ZFHX3: variants seen among roughly 807,000 people sequenced by gnomAD.
The protein encoded by ZFHX3 is zinc finger homeobox 3.
In ZFHX3, 42 loss-of-function variants were observed where a neutral mutation model predicts 279.1. The ratio of observed to expected loss-of-function variants is 0.15; its 90% CI spans 0.12 to 0.19. The LOEUF is 0.19. Ranked by LOEUF, ZFHX3 falls within the 10% of genes least tolerant of loss-of-function variation. ZFHX3 has a pLI of 1.00. For synonymous variants in ZFHX3, 2,293 were observed against 1,957.8 expected (o/e 1.17, Z -4.52); for missense variants, 4,981 against 4,754.0 (o/e 1.05, Z -1.40).
At chr16:73,108,301 T>C (rs564012044) in intron 7 of ZFHX3, among the ~76,000 whole-genome samples, 1 of 150,814 alleles carries the variant, frequency 6.6e-6, no homozygotes, top group East Asian at 2.0e-4. Flanking sequence ...GCCACTGCAC[T>C]TCAGCTTGGG....
At chr16:73,265,208 T>G (rs2013942632) in intron 4 of ZFHX3, among the ~76,000 whole-genome samples, 1 of 152,076 alleles carries the variant, frequency 6.6e-6, no homozygotes, top group South Asian at 2.1e-4. Flanking sequence ...CATGTGCAAG[T>G]ATCTTTTTCG....
At chr16:73,033,345 G>A (rs1188138941) in intron 1 of ZFHX3, among the ~76,000 whole-genome samples, 3 of 151,232 alleles carry the variant, frequency 2.0e-5, no homozygotes, top group Non-Finnish European at 2.9e-5. Context: ...CGCCTCCGAG[G>A]GTTCGTCCTC....
rs2019644021 is a variant in ZFHX3 at position 73,523,624 on chromosome 16, T to TGG, written c.-1546-67367_-1546-67366insCC. ...GGGGGCAGGGAATGGAAGCTGGGTT[T>TGG]TTTTTTTTTTTTTCATATGTATATT... On this transcript the variant is annotated intron_variant, in intron 2 of 17. Coordinates refer to the ZFHX3 transcript ENST00000641206. Among the ~76,000 whole-genome samples the TGG allele has an allele frequency of 5.6e-5, 4 of 71,164 alleles. 1 individual carries two copies. Among genetic ancestry groups the TGG allele is most frequent in the South Asian group, 2.0e-3 (2 of 996 alleles). 46.7% of individuals were successfully genotyped at this position (71,164 alleles called of 152,430 possible). A position where few individuals can be genotyped will look rare whatever the true frequency, so the allele number is the denominator to read the frequency against.
intron 1 of ZFHX3, among the ~76,000 whole-genome samples, chr16:73,795,267 T>A (rs1959957972): frequency 6.6e-6 from 1 of 152,192 alleles, no homozygotes; most frequent in Non-Finnish European, 1.5e-5. Flanking sequence ...ATGACTTTGC[T>A]TTGTCTGGAA....
chr16:73,422,895 A>C (rs1465037507), intron 3 of ZFHX3, among the ~76,000 whole-genome samples: 1 of 152,178 alleles, frequency 6.6e-6, no homozygotes, highest in Non-Finnish European at 1.5e-5. Context: ...TCTCTGTGAG[A>C]AAGAAGGCTA....
intron 1 of ZFHX3, among the ~76,000 whole-genome samples, chr16:73,850,819 C>T (rs2142379329): frequency 6.6e-6 from 1 of 152,242 alleles, no homozygotes; most frequent in South Asian, 2.1e-4. Flanking sequence ...TGAGCAGCTG[C>T]TTCCTCAGGG....
intron 1 of ZFHX3, among the ~76,000 whole-genome samples, chr16:73,857,575 T>A (rs1341783829): frequency 6.6e-6 from 1 of 152,170 alleles, no homozygotes; most frequent in Non-Finnish European, 1.5e-5. Context: ...TGTTCTACAC[T>A]GAAGTCTCGT....
chr16:73,246,594 T>A (rs990923877), intron 5 of ZFHX3, among the ~76,000 whole-genome samples: 4 of 152,192 alleles, frequency 2.6e-5, no homozygotes, highest in African/African-American at 9.7e-5. Context: ...ATCTCTTGAT[T>A]AATCTCTATT....
chr16:73,381,846 C>A (rs1444681894), intron 3 of ZFHX3, among the ~76,000 whole-genome samples: 4 of 152,184 alleles, frequency 2.6e-5, no homozygotes, highest in Admixed American at 2.6e-4. Flanking sequence ...TTGTGACAGG[C>A]CGCATTCAAA....
intron 2 of ZFHX3, among the ~76,000 whole-genome samples, chr16:73,599,338 A>G (rs993265464): frequency 6.6e-6 from 1 of 152,202 alleles, no homozygotes; most frequent in Non-Finnish European, 1.5e-5. Context: ...TCTTATTACA[A>G]TCTATCCAAG....
At chr16:72,988,800 A>G (rs1384322333) in intron 1 of ZFHX3, among the ~76,000 whole-genome samples, 1 of 152,264 alleles carries the variant, frequency 6.6e-6, no homozygotes, top group Non-Finnish European at 1.5e-5. Context: ...ATAATTTTTC[A>G]TCTTTATTCT....
intron 5 of ZFHX3, among the ~76,000 whole-genome samples, chr16:73,185,797 G>A (rs1274279414): frequency 6.6e-6 from 1 of 152,088 alleles, no homozygotes; most frequent in East Asian, 1.9e-4. Context: ...CCCAGCCACA[G>A]GGGTCCCCAA....
In ZFHX3 at chr16:73,419,495, C is replaced by T. The variant is rs1262773142; in HGVS notation, c.-1291+36508G>A. On this transcript the variant is annotated intron_variant, in intron 3 of 17. Coordinates refer to the ZFHX3 transcript ENST00000641206. ...GACTGTCTCAGCTCAGCCTTTGATG[C>T]CTTGGTGGTGGCCCCTGCTGCCCCA... 2.0e-5 allele frequency among the ~76,000 whole-genome samples: 3 copies of T among 152,178 alleles called. No individual in the cohort carries two copies. The East Asian group carries it at 5.8e-4, about 29-fold the overall frequency.
chr16:72,959,098 G>T lies in ZFHX3; in HGVS notation c.1048C>A (p.Pro350Thr). The change falls in exon 2 of 10, where the codon CCT (proline) becomes ACT (threonine). Residue 350 changes from proline (P) to threonine (T), a missense_variant. By Grantham distance (38) the Pro-to-Thr change is conservative. Around this residue, in one of 7 missense-constraint regions of ZFHX3, gnomAD observed 1,068 missense variants for 935.2 expected, o/e 1.14. Coordinates refer to ENST00000268489, the MANE Select transcript of ZFHX3 (RefSeq NM_006885.4). ...LEPKNKNFQH[P>T]LVSTANLIGP... ...ATGAGGTTAGCTGTGGAAACTAAAG[G>T]GTGTTGAAAGTTTTTGTTTTTTGGT... 3 of 1,614,210 alleles carry T rather than the reference G, an allele frequency of 1.9e-6. No individual in the cohort carries two copies. The highest frequency in any genetic ancestry group is 2.2e-5 in the East Asian group (1 of 44,878).
chr16:72,871,491 G>A (rs939170003), intron 4 of ZFHX3, among the ~76,000 whole-genome samples: 8 of 151,982 alleles, frequency 5.3e-5, no homozygotes, highest in East Asian at 1.9e-4. Flanking sequence ...ACAAGCACGC[G>A]CCACCACGCC....
chr16:73,327,166 G>A (rs1220505229), intron 3 of ZFHX3, among the ~76,000 whole-genome samples: 1 of 152,202 alleles, frequency 6.6e-6, no homozygotes, highest in African/African-American at 2.4e-5. Flanking sequence ...ATTCTGAGAA[G>A]CCTTTTGGCT....
rs180799338 is a variant in ZFHX3 at position 72,889,686 on chromosome 16, C to T, written c.3448+45G>A. On this transcript the variant is annotated intron_variant, in intron 4 of 9. Coordinates refer to ENST00000268489, the MANE Select transcript of ZFHX3 (RefSeq NM_006885.4). ...CCTCTGGAGGTCTCAAGGAGGTGAA[C>T]ACCCAGGCCCAACCTGGGCCTCCCA... The T allele has an allele frequency of 2.3e-5, 37 of 1,588,010 alleles. No individual in the cohort carries two copies. The Admixed American group carries it at 6.4e-4, about 27-fold the overall frequency.
chr16:73,416,533 C>T (rs565414242), intron 3 of ZFHX3, among the ~76,000 whole-genome samples: 1 of 152,120 alleles, frequency 6.6e-6, no homozygotes, highest in South Asian at 2.1e-4. Context: ...TCATAAATGT[C>T]GTAGGCAAGA....
chr16:73,587,117 G>A (rs1201870370), intron 2 of ZFHX3, among the ~76,000 whole-genome samples: 5 of 152,234 alleles, frequency 3.3e-5, no homozygotes, highest in South Asian at 2.1e-4. Context: ...AATTATATTC[G>A]AAGAACTGGC....
Sources: allele counts gnomAD v4.1 joint callset (sites outside exome capture counted in the v4.1 genomes callset), GRCh38; gene constraint gnomAD v4.1.1; regional missense constraint gnomAD v4.1.1; transcripts MANE v1.5; gene names NCBI Gene and HGNC (gene_info 2026-07-23, HGNC 2026-07-21).